B4GALT6: variants seen among roughly 807,000 people sequenced by gnomAD.
B4GALT6 encodes UDP-Gal:beta-GlcNAc beta-1,4-galactosyltransferase 6.
A neutral mutation model predicts 46.3 loss-of-function variants in B4GALT6; 14 were observed. The ratio of observed to expected loss-of-function variants is 0.30; its 90% CI spans 0.20 to 0.47. B4GALT6 has a LOEUF of 0.47. Among genes scored for constraint, B4GALT6 ranks in the 20% least tolerant of loss-of-function variants. The probability of loss-of-function intolerance (pLI) is 0.99; values close to 1 mark genes in which losing one functional copy is unlikely to be tolerated. For missense variants in B4GALT6, 386 were observed against 480.1 expected (o/e 0.80, Z 1.83); for synonymous variants, 168 against 162.0 (o/e 1.04, Z -0.28).
chr18:31,672,604 C>T (rs910376626), intron 1 of B4GALT6, among the ~76,000 whole-genome samples: 1 of 152,134 alleles, frequency 6.6e-6, no homozygotes, highest in African/African-American at 2.4e-5. Flanking sequence ...AGGAGAAGGA[C>T]TTAAAAACAA....
At chr18:31,706,541 G>T in the B4GALT6 span, among the ~76,000 whole-genome samples, 1 of 152,258 alleles carries the variant, frequency 6.6e-6, no homozygotes, top group East Asian at 1.9e-4. Flanking sequence ...TGAGGCAGGA[G>T]AATCACTTGA....
intron 1 of B4GALT6, among the ~76,000 whole-genome samples, chr18:31,675,066 C>T (rs559278899): frequency 6.6e-6 from 1 of 152,320 alleles, no homozygotes; most frequent in African/African-American, 2.4e-5. Flanking sequence ...TGATCACATA[C>T]AGGAGATCTA....
At chr18:31,680,879 A>T (rs2074472232) in intron 1 of B4GALT6, among the ~76,000 whole-genome samples, 1 of 152,176 alleles carries the variant, frequency 6.6e-6, no homozygotes, top group African/African-American at 2.4e-5. Context: ...AGCTGGATGG[A>T]GCTACTCCCA....
chr18:31,700,741 C>A, the B4GALT6 span, among the ~76,000 whole-genome samples: 2 of 152,062 alleles, frequency 1.3e-5, no homozygotes, highest in African/African-American at 4.8e-5. Flanking sequence ...CAGGTGTGAG[C>A]CACCGCGCCC....
the B4GALT6 span, among the ~76,000 whole-genome samples, chr18:31,697,936 G>A: frequency 6.6e-6 from 1 of 151,944 alleles, no homozygotes; most frequent in Non-Finnish European, 1.5e-5. Context: ...TCAATATCTT[G>A]TTTCTCAATA....
At chr18:31,671,181 A>G (rs1053760931) in intron 1 of B4GALT6, among the ~76,000 whole-genome samples, 5 of 152,160 alleles carry the variant, frequency 3.3e-5, no homozygotes, top group African/African-American at 1.2e-4. Context: ...AGTCTTTGCT[A>G]TTGTGAACAG....
the B4GALT6 span, among the ~76,000 whole-genome samples, chr18:31,702,235 T>C: frequency 6.6e-6 from 1 of 152,220 alleles, no homozygotes; most frequent in Non-Finnish European, 1.5e-5. Context: ...CTTATTAATG[T>C]TTCAAATACA....
Position 31,637,237 on chromosome 18 carries a change from T to C in B4GALT6, c.588+1407A>G, listed in dbSNP as rs76040731. ...AGAATTATGATTTATTCAGCTTTGA[T>C]AGCATCTGTTCAGAAACAAAACGAA... On this transcript the variant is annotated intron_variant, in intron 5 of 8. Transcript: ENST00000306851. Among the ~76,000 whole-genome samples the C allele has an allele frequency of 3.8e-4, 58 of 151,446 alleles. No individual in the cohort carries two copies. The East Asian group carries it at 7.3e-3, about 19-fold the overall frequency.
chr18:31,704,251 C>T, the B4GALT6 span, among the ~76,000 whole-genome samples: 1 of 149,950 alleles, frequency 6.7e-6, no homozygotes, highest in African/African-American at 2.5e-5. Flanking sequence ...CAGAGTGTCA[C>T]TCTGTCACCC....
Position 31,670,274 on chromosome 18 carries a change from C to T in B4GALT6, c.116-3902G>A, listed in dbSNP as rs183544257. Among the ~76,000 whole-genome samples, 242 of 152,166 alleles carry T rather than the reference C, an allele frequency of 1.6e-3. 1 individual carries two copies. Among genetic ancestry groups the T allele is most frequent in the Non-Finnish European group, 2.3e-3 (153 of 67,996 alleles). ...TTCTCCATGTTGCCCAGGCTGGTCT[C>T]GAACTCCTGAGCTCAGGCAATCCGC... On this transcript the variant is annotated intron_variant, in intron 1 of 8. Transcript: ENST00000306851.
In B4GALT6 at chr18:31,638,674, C is replaced by A; in HGVS notation, c.558G>T (p.Arg186=). 1 of 1,613,966 alleles carries A rather than the reference C, an allele frequency of 6.2e-7. No homozygotes were observed. Among genetic ancestry groups the A allele is most frequent in the Non-Finnish European group, 8.5e-7 (1 of 1,179,930 alleles). ...LHLIPMLQKQ[R]LEFAFYVIEQ... The stretch of plus-strand genomic sequence containing the variant: ...CAATGACATAAAACGCAAATTCCAG[C>A]CGCTGCTTCTGGAGCATTGGAATCA... Residue 186 remains arginine (R), a synonymous_variant, in exon 5 of 9, where the codon CGG becomes CGT. Coordinates refer to ENST00000306851, the MANE Select transcript of B4GALT6 (RefSeq NM_004775.5).
At chr18:31,643,757 G>A (rs1337388093) in intron 4 of B4GALT6, among the ~76,000 whole-genome samples, 1 of 152,118 alleles carries the variant, frequency 6.6e-6, no homozygotes, top group African/African-American at 2.4e-5. Context: ...AAATCCATCT[G>A]GTATAGATCA....
the B4GALT6 span, among the ~76,000 whole-genome samples, chr18:31,715,513 C>T: frequency 6.8e-6 from 1 of 146,948 alleles, no homozygotes; most frequent in East Asian, 2.0e-4. Flanking sequence ...CAGGCATGAG[C>T]CACAGCGCCT....
In B4GALT6 at chr18:31,670,757, CTTT is replaced by C. The variant is rs1024740598; in HGVS notation, c.116-4388_116-4386del. Among the ~76,000 whole-genome samples the C allele has an allele frequency of 1.1e-3, 167 of 152,118 alleles. 1 individual carries two copies. The highest frequency in any genetic ancestry group is 3.8e-3 in the African/African-American group (159 of 41,484). On this transcript the variant is annotated intron_variant, in intron 1 of 8. Coordinates refer to ENST00000306851, the MANE Select transcript of B4GALT6 (RefSeq NM_004775.5). ...TTAGTAGTAGTATAAAATGTAATGT[CTTT>C]TTTTTATTATTATACTTTAAGTTCT...
chr18:31,637,850 T>TG (rs1254356940), intron 5 of B4GALT6, among the ~76,000 whole-genome samples: 4 of 152,190 alleles, frequency 2.6e-5, no homozygotes, highest in Non-Finnish European at 5.9e-5. Context: ...GAAAAGAACT[T>TG]TGAGTTGTAC....
the B4GALT6 span, among the ~76,000 whole-genome samples, chr18:31,700,542 T>C: frequency 6.6e-5 from 10 of 151,998 alleles, no homozygotes; most frequent in African/African-American, 2.2e-4. Flanking sequence ...CTGCAAGCTC[T>C]ATCTCCCAGG....
At chr18:31,707,003 T>C in the B4GALT6 span, among the ~76,000 whole-genome samples, 1 of 152,066 alleles carries the variant, frequency 6.6e-6, no homozygotes, top group Non-Finnish European at 1.5e-5. Flanking sequence ...GGGTGGGAGG[T>C]GTAAACGCCA....
chr18:31,682,134 T>G (rs765966357), intron 1 of B4GALT6, among the ~76,000 whole-genome samples: 3 of 152,190 alleles, frequency 2.0e-5, no homozygotes, highest in Non-Finnish European at 4.4e-5. Context: ...ATGGTTAAAC[T>G]TGTGCATCTG....
chr18:31,674,869 C>A (rs1173972838), intron 1 of B4GALT6, among the ~76,000 whole-genome samples: 1 of 151,760 alleles, frequency 6.6e-6, no homozygotes, highest in African/African-American at 2.4e-5. Context: ...AAAAAAAATT[C>A]TTTTATGTCA....
Sources: gnomAD v4.1 joint callset for allele counts (sites outside exome capture counted in the v4.1 genomes callset) on GRCh38, gnomAD v4.1.1 for gene constraint, MANE v1.5 for transcripts, NCBI Gene and HGNC (gene_info 2026-07-23, HGNC 2026-07-21) for gene names.